The following MTMR1 variants were observed in gnomAD, a reference collection of about 807,000 sequenced individuals.
The protein encoded by MTMR1 is myotubularin related protein 1.
MTMR1 carries 17 observed loss-of-function variants against 51.6 expected under a neutral mutation model. That is an observed-to-expected ratio of 0.33 (90% CI 0.23 to 0.49). MTMR1 has a LOEUF of 0.49. Among genes scored for constraint, MTMR1 ranks in the 20% least tolerant of loss-of-function variants. The probability of loss-of-function intolerance (pLI) is 0.99; values close to 1 mark genes in which losing one functional copy is unlikely to be tolerated. For missense variants in MTMR1, 386 were observed against 526.9 expected (o/e 0.73, Z 2.62); for synonymous variants, 201 against 205.6 (o/e 0.98, Z 0.19).
At chrX:150,755,087 C>T (rs1249568776) in intron 14 of MTMR1, among the ~76,000 whole-genome samples, 2 of 110,016 alleles carry the variant, frequency 1.8e-5, no homozygotes, top group East Asian at 5.7e-4. Context: ...CAGGGTCTTG[C>T]TCTATTGCCC....
At chrX:150,733,628 C>T (rs2042180907) in intron 10 of MTMR1, among the ~76,000 whole-genome samples, 1 of 111,125 alleles carries the variant, frequency 9.0e-6, no homozygotes. Context: ...CCAGGTTCTG[C>T]CACTTGGTGC....
At position 150,731,486 on chromosome X, in the gene MTMR1, G is replaced by C; in HGVS notation, c.758G>C (p.Ser253Thr). Residue 253 changes from serine to threonine, a missense_variant, in exon 9 of 16, where the codon AGT becomes ACT. Transcript: ENST00000445323. The stretch of plus-strand genomic sequence containing the variant: ...ACCTTACAGGGCTTGCCAAATGAGA[G>C]TTGGAAAATATCCAAAATAAACAGT... ...EYKRQGLPNE[S>T]WKISKINSNY... 8.3e-7 allele frequency: 1 copy of C among 1,198,387 alleles called. No homozygotes were observed. Among genetic ancestry groups the C allele is most frequent in the Admixed American group, 2.2e-5 (1 of 44,826 alleles).
chrX:150,726,188 C>G (rs1490428174), intron 4 of MTMR1, among the ~76,000 whole-genome samples: 4 of 111,353 alleles, frequency 3.6e-5, no homozygotes, highest in Non-Finnish European at 7.5e-5. Context: ...AGCGTGAACC[C>G]TGTTGTGAAT....
In MTMR1 at chrX:150,736,306, G is replaced by A. The variant is rs1394181585; in HGVS notation, c.1081-289G>A. The A allele has an allele frequency of 2.2e-5, 5 of 227,654 alleles. No homozygotes were observed. In the East Asian group the frequency reaches 3.7e-4, roughly 17 times the overall value. The allele number at this position is 227,654 out of a possible 1,213,427, so 18.8% of individuals were successfully genotyped here. ...ACACCTGGGACTATCGGAACCTGGG[G>A]CAGCCAAGGAAGGATCCTCCCCTAG... On this transcript the variant is annotated intron_variant, in intron 10 of 15. Coordinates refer to ENST00000445323, the MANE Select transcript of MTMR1 (RefSeq NM_001306144.3).
chrX:150,727,140 T>C (rs1006763791), intron 4 of MTMR1, 75 bp from the exon 5 acceptor site: 7 of 604,649 alleles, frequency 1.2e-5, no homozygotes, highest in African/African-American at 7.0e-5. Context: ...AAATATATAT[T>C]TGGAAAACTC....
At chrX:150,695,711 T>G (rs2040647230) in intron 1 of MTMR1, among the ~76,000 whole-genome samples, 1 of 112,006 alleles carries the variant, frequency 8.9e-6, no homozygotes, top group African/African-American at 3.3e-5. Flanking sequence ...AAAGATATAG[T>G]TGATCTATCT....
At chrX:150,751,048 C>T in intron 14 of MTMR1, 1 of 1,152,557 alleles carries the variant, frequency 8.7e-7, no homozygotes, top group Non-Finnish European at 1.2e-6. Context: ...GGCTGGGACC[C>T]AGCGAGCCCG....
intron 15 of MTMR1, among the ~76,000 whole-genome samples, chrX:150,760,916 G>C (rs1385781601): frequency 2.2e-5 from 2 of 89,798 alleles, no homozygotes; most frequent in African/African-American, 4.1e-5. Flanking sequence ...GAGAGAGTGA[G>C]ACTGCATTCC....
intron 14 of MTMR1, among the ~76,000 whole-genome samples, chrX:150,753,872 G>A (rs949554555): frequency 8.9e-6 from 1 of 111,821 alleles, no homozygotes; most frequent in South Asian, 3.7e-4. Flanking sequence ...TACACTTTTG[G>A]TATCATATCT....
chrX:150,706,344 T>C (rs1369629746), intron 2 of MTMR1, among the ~76,000 whole-genome samples: 1 of 112,100 alleles, frequency 8.9e-6, no homozygotes. Context: ...CATTTTACAT[T>C]CCCTCCAACA....
intron 10 of MTMR1, among the ~76,000 whole-genome samples, chrX:150,734,289 A>C (rs888729857): frequency 8.9e-6 from 1 of 112,888 alleles, no homozygotes; most frequent in Admixed American, 9.3e-5. Context: ...TTTTCAATTA[A>C]TCTTGGAATC....
chrX:150,700,096 C>T (rs1308143507), intron 2 of MTMR1, among the ~76,000 whole-genome samples: 1 of 111,910 alleles, frequency 8.9e-6, no homozygotes, highest in Non-Finnish European at 1.9e-5. Context: ...GTCATTTTTC[C>T]TGCTAGTAAG....
At chrX:150,721,633 A>G (rs782406118) in intron 4 of MTMR1, among the ~76,000 whole-genome samples, 1 of 110,978 alleles carries the variant, frequency 9.0e-6, no homozygotes, top group East Asian at 2.8e-4. Context: ...CTCATTTCTG[A>G]TATTATTAAT....
chrX:150,750,229 A>G (rs113295104), intron 13 of MTMR1, among the ~76,000 whole-genome samples: 1,854 of 111,604 alleles, frequency 0.017, 49 homozygotes, highest in African/African-American at 0.057. Context: ...CGGATTTTCT[A>G]TTCTTCTTGA....
At position 150,764,111 on chromosome X, in the gene MTMR1, G is replaced by A. The variant is rs782645411; in HGVS notation, c.*1382G>A. The A allele has an allele frequency of 5.4e-4, 61 of 112,913 alleles. No homozygotes were observed. The highest frequency in any genetic ancestry group is 1.8e-3 in the African/African-American group (56 of 31,116). 9.3% of individuals were successfully genotyped at this position (112,913 alleles called of 1,213,427 possible). On this transcript the variant is annotated 3_prime_UTR_variant, in exon 16 of 16. Coordinates refer to ENST00000445323, the MANE Select transcript of MTMR1 (RefSeq NM_001306144.3). ...CAGAGGCAGCTGCAGCGGCCCCTGA[G>A]GTCAAACCCCAGTGTGACTGCATAG...
chrX:150,702,049 G>A (rs1389225539), intron 2 of MTMR1, among the ~76,000 whole-genome samples: 2 of 107,988 alleles, frequency 1.9e-5, no homozygotes, highest in Non-Finnish European at 3.8e-5. Context: ...ACTGCTTTTC[G>A]ATCTTTTTTT....
In MTMR1 at chrX:150,750,672, A is replaced by T. The variant is rs782217554; in HGVS notation, c.1567-58A>T. 2.7e-5 allele frequency: 20 copies of T among 747,921 alleles called. No homozygotes were observed. The East Asian group carries it at 5.6e-4, about 21-fold the overall frequency. The allele number at this position is 747,921 out of a possible 1,213,427, so 61.6% of individuals were successfully genotyped here. A position where few individuals can be genotyped will look rare whatever the true frequency, so the allele number is the denominator to read the frequency against. Reference sequence around the variant, plus strand: ...GTTTCGCTGTCTTTCATAAAAAAGTAATATTACTTTTAGAAATTGGACTCT... The same window carrying T: ...GTTTCGCTGTCTTTCATAAAAAAGTTATATTACTTTTAGAAATTGGACTCT... On this transcript the variant is annotated intron_variant, in intron 13 of 15. Coordinates refer to ENST00000445323, the MANE Select transcript of MTMR1 (RefSeq NM_001306144.3).
chrX:150,735,694 A>G (rs1269875286), intron 10 of MTMR1: 4 of 344,224 alleles, frequency 1.2e-5, no homozygotes, highest in Non-Finnish European at 2.0e-5. Flanking sequence ...GTATATATTT[A>G]TGGTGTACAA....
intron 12 of MTMR1, among the ~76,000 whole-genome samples, chrX:150,741,396 G>C (rs2042419418): frequency 8.9e-6 from 1 of 111,811 alleles, no homozygotes; most frequent in African/African-American, 3.3e-5. Context: ...GCATCTCCCT[G>C]TCCTTCAAGG....
Sources: gnomAD v4.1 joint callset for allele counts (sites outside exome capture counted in the v4.1 genomes callset) on GRCh38, gnomAD v4.1.1 for gene constraint, MANE v1.5 for transcripts, NCBI Gene and HGNC (gene_info 2026-07-23, HGNC 2026-07-21) for gene names.